The following GRID2IP variants were observed in gnomAD, a reference collection of about 807,000 sequenced individuals.
GRID2IP encodes delphilin.
GRID2IP carries 78 observed loss-of-function variants against 114.3 expected under a neutral mutation model. The observed-to-expected ratio is 0.68, with a 90% CI of 0.57 to 0.82. The LOEUF is 0.82. Ranked by LOEUF, GRID2IP falls within the 40% of genes least tolerant of loss-of-function variation. GRID2IP has a pLI of 0.00. For missense variants in GRID2IP, 1,727 were observed against 1,678.5 expected, an observed-to-expected ratio of 1.03 and a Z score of -0.51; for synonymous variants, 809 against 724.0, an observed-to-expected ratio of 1.12 and a Z score of -1.89.
At chr7:6,549,260 G>A (rs771013984) in intron 1 of GRID2IP, among the ~76,000 whole-genome samples, 2 of 152,178 alleles carry the variant, frequency 1.3e-5, no homozygotes, top group Non-Finnish European at 2.9e-5. Context: ...GCCTGAGACC[G>A]ACTCTATCCT....
intron 1 of GRID2IP, among the ~76,000 whole-genome samples, chr7:6,549,153 C>T (rs751865746): frequency 2.0e-5 from 3 of 152,140 alleles, no homozygotes; most frequent in Admixed American, 6.6e-5. Flanking sequence ...GCAGCTTCTT[C>T]TTTTATAACC....
Position 6,521,276 on chromosome 7 carries a change from G to A in GRID2IP, c.1084+153C>T, listed in dbSNP as rs2115072729. Reference sequence around the variant, plus strand: ...ATGAGCCACCATGCCCAGCCTCACTGGGGTTCTATAGCACCACTTAGGAGG... The same window carrying A: ...ATGAGCCACCATGCCCAGCCTCACTAGGGTTCTATAGCACCACTTAGGAGG... On this transcript the variant is annotated intron_variant, in intron 6 of 21. Transcript: ENST00000457091. The surrounding 1 kb of genome is among the most constrained non-coding windows in gnomAD (Gnocchi z 4.1). Among the ~76,000 whole-genome samples, 1 of 152,198 alleles carries A rather than the reference G, an allele frequency of 6.6e-6. No homozygotes were observed. Among genetic ancestry groups the A allele is most frequent in the African/African-American group, 2.4e-5 (1 of 41,538 alleles).
chr7:6,516,943 A>C lies in GRID2IP; in HGVS notation c.1269-2414T>G, dbSNP rs1779316140. Among the ~76,000 whole-genome samples the C allele has an allele frequency of 6.6e-6, 1 of 151,862 alleles. No homozygotes were observed. The highest frequency in any genetic ancestry group is 6.6e-5 in the Admixed American group (1 of 15,232). The stretch of plus-strand genomic sequence containing the variant: ...TACCCTGCCCCTTTGCCTTGTACAC[A>C]ATAAATAACAGCACGGCCAGGCATT... On this transcript the variant is annotated intron_variant, in intron 7 of 21. Transcript: ENST00000457091. The surrounding 1 kb of genome is among the most constrained non-coding windows in gnomAD (Gnocchi z 4.3).
intron 1 of GRID2IP, among the ~76,000 whole-genome samples, chr7:6,542,040 A>G (rs1036659805): frequency 3.9e-5 from 6 of 152,102 alleles, no homozygotes; most frequent in Non-Finnish European, 7.4e-5. Context: ...GGTGGCTCAC[A>G]CCTGTAATCC....
In GRID2IP at chr7:6,507,406, C is replaced by A. The variant is rs1786627069; in HGVS notation, c.2544+579G>T. Among the ~76,000 whole-genome samples, 4 of 150,488 alleles carry A rather than the reference C, an allele frequency of 2.7e-5. No individual in the cohort carries two copies. In the South Asian group the frequency reaches 8.4e-4, roughly 32 times the overall value. ...AAAAAAAAAAAAGGGGTGGGGTGAA[C>A]CTTGTTCATCTTGCAGATTGGTTGG... On this transcript the variant is annotated intron_variant, in intron 13 of 21. Coordinates refer to ENST00000457091, the MANE Select transcript of GRID2IP (RefSeq NM_001145118.2). The surrounding 1 kb of genome is among the most constrained non-coding windows in gnomAD (Gnocchi z 5.3).
At position 6,497,880 on chromosome 7, in the gene GRID2IP, T is replaced by G. The variant is rs1469752552; in HGVS notation, c.3565-35A>C. On this transcript the variant is annotated intron_variant, in intron 21 of 21. Transcript: ENST00000457091. The stretch of plus-strand genomic sequence containing the variant: ...GGGAACACAGAGGTAGGGTGGTCAG[T>G]GGTCCCAGGAACCTGTGACGCCTTC... The G allele has an allele frequency of 3.3e-6, 5 of 1,528,358 alleles. No individual in the cohort carries two copies. The Admixed American group carries it at 1.0e-4, about 31-fold the overall frequency. The allele number at this position is 1,528,358 out of a possible 1,614,324, so 94.7% of individuals were successfully genotyped here.
chr7:6,526,602 G>A lies in GRID2IP; in HGVS notation c.752C>T (p.Pro251Leu). 2 of 1,193,286 alleles carry A rather than the reference G, an allele frequency of 1.7e-6. No homozygotes were observed. Among genetic ancestry groups the A allele is most frequent in the Non-Finnish European group, 2.1e-6 (2 of 964,206 alleles). The allele number at this position is 1,193,286 out of a possible 1,614,324, so 73.9% of individuals were successfully genotyped here. ...RLLVSTRASA[P>L]PRRPDEPPPR... Reference sequence around the variant, plus strand: ...GGGCGGCTCATCGGGGCGGCGCGGCGGGGCGCTGGCGCGCGTGGACACCAG... The same window carrying A: ...GGGCGGCTCATCGGGGCGGCGCGGCAGGGCGCTGGCGCGCGTGGACACCAG... Residue 251 changes from proline (P) to leucine (L), a missense_variant, in exon 3 of 22, where the codon CCG becomes CTG. Transcript: ENST00000457091. This position sits in a 1 kb window ranked among gnomAD's most constrained non-coding sequence, Gnocchi z 7.6.
Position 6,509,123 on chromosome 7 carries a change from TG to T in GRID2IP, c.1961del (p.Pro654GlnfsTer33). 2 of 1,473,640 alleles carry T rather than the reference TG, an allele frequency of 1.4e-6. No homozygotes were observed. Among genetic ancestry groups the T allele is most frequent in the African/African-American group, 1.4e-5 (1 of 71,010 alleles). The allele number at this position is 1,473,640 out of a possible 1,614,324, so 91.3% of individuals were successfully genotyped here. ...GPGPICPDSP[P>X]SPDPTRPPSR... ...TGGGCGGGCGGGTGGGGTCCGGGCT[TG>T]GGGGGCTGTCGGGGCAGATGGGCCC... On this transcript the variant is annotated frameshift_variant, in exon 12 of 22. Transcript: ENST00000457091. LOFTEE classifies it high-confidence loss of function. This position sits in a 1 kb window ranked among gnomAD's most constrained non-coding sequence, Gnocchi z 4.9.
chr7:6,535,624 G>T (rs1431683017), intron 2 of GRID2IP, among the ~76,000 whole-genome samples: 1 of 152,176 alleles, frequency 6.6e-6, no homozygotes, highest in African/African-American at 2.4e-5. Context: ...CCAGCACTTT[G>T]GGAGGCTGAG....
chr7:6,549,991 T>C (rs1462652712), intron 1 of GRID2IP, among the ~76,000 whole-genome samples: 1 of 151,850 alleles, frequency 6.6e-6, no homozygotes, highest in Non-Finnish European at 1.5e-5. Flanking sequence ...GCTCTTTTTA[T>C]TTTATCTTTT....
chr7:6,545,771 T>C (rs997938637), intron 1 of GRID2IP, among the ~76,000 whole-genome samples: 5 of 152,168 alleles, frequency 3.3e-5, no homozygotes, highest in African/African-American at 1.2e-4. Flanking sequence ...CAGCCTTGCA[T>C]TGCACTTCCT....
At position 6,536,083 on chromosome 7, in the gene GRID2IP, GAT is replaced by G. The variant is rs1779718261; in HGVS notation, c.584+3633_584+3634del. On this transcript the variant is annotated intron_variant, in intron 2 of 21. Transcript: ENST00000457091. The surrounding 1 kb of genome is among the most constrained non-coding windows in gnomAD (Gnocchi z 5.3). Reference sequence around the variant, plus strand: ...CCATGCCCCCTCTGACCTCTCTCCAGATGGGGCTGCCCAGAGATCGCTGCCAC... The same window carrying G: ...CCATGCCCCCTCTGACCTCTCTCCAGGGGGCTGCCCAGAGATCGCTGCCAC... 6.6e-6 allele frequency among the ~76,000 whole-genome samples: 1 copy of G among 152,192 alleles called. No individual in the cohort carries two copies. Among genetic ancestry groups the G allele is most frequent in the Non-Finnish European group, 1.5e-5 (1 of 68,024 alleles).
At chr7:6,540,718 A>G (rs1346946496) in intron 1 of GRID2IP, among the ~76,000 whole-genome samples, 1 of 119,828 alleles carries the variant, frequency 8.3e-6, no homozygotes, top group African/African-American at 3.3e-5. Flanking sequence ...TTTAGTAGAG[A>G]TGGGGTTTTA....
Position 6,510,380 on chromosome 7 carries a change from C to T in GRID2IP, c.1674G>A (p.Glu558=), listed in dbSNP as rs1786739565. The change falls in exon 11 of 22, where the codon GAG becomes GAA. Residue 558 remains glutamate, a synonymous_variant. Coordinates refer to ENST00000457091, the MANE Select transcript of GRID2IP (RefSeq NM_001145118.2). ...NPKMMSAVYA[E]LESRLNSSFK... is the part of the protein sequence containing the mutation. ...AGCTGCTGTTCAGTCGAGACTCAAGCTCTGCATAGACGGCTGACATCTGGA... is the reference window on the plus strand; with the variant it reads ...AGCTGCTGTTCAGTCGAGACTCAAGTTCTGCATAGACGGCTGACATCTGGA... 6.5e-7 allele frequency: 1 copy of T among 1,542,160 alleles called. No individual in the cohort carries two copies. Among genetic ancestry groups the T allele is most frequent in the Non-Finnish European group, 8.8e-7 (1 of 1,142,724 alleles).
intron 14 of GRID2IP, among the ~76,000 whole-genome samples, chr7:6,505,357 C>CT (rs11352946): frequency 0.012 from 1,449 of 119,416 alleles, 14 homozygotes; most frequent in African/African-American, 0.026. Context: ...TAAATGCCAG[C>CT]TTTTTTTTTT....
At position 6,508,732 on chromosome 7, in the gene GRID2IP, T is replaced by C. The variant is rs1202374480; in HGVS notation, c.2127+226A>G. Among the ~76,000 whole-genome samples, 2 of 152,112 alleles carry C rather than the reference T, an allele frequency of 1.3e-5. No individual in the cohort carries two copies. Among genetic ancestry groups the C allele is most frequent in the Non-Finnish European group, 2.9e-5 (2 of 67,992 alleles). ...GCCTGAGCTAAGGAATGGGCTAACC[T>C]GCGACAGGGAATATGGGCTAGCCTC... On this transcript the variant is annotated intron_variant, in intron 12 of 21. Transcript: ENST00000457091. The surrounding 1 kb of genome is among the most constrained non-coding windows in gnomAD (Gnocchi z 5.6).
Position 6,497,721 on chromosome 7 carries a change from C to G in GRID2IP, c.*53G>C. The G allele has an allele frequency of 7.2e-7, 1 of 1,395,856 alleles. No individual in the cohort carries two copies. Among genetic ancestry groups the G allele is most frequent in the East Asian group, 2.5e-5 (1 of 39,692 alleles). The allele number at this position is 1,395,856 out of a possible 1,614,324, so 86.5% of individuals were successfully genotyped here. A position where few individuals can be genotyped will look rare whatever the true frequency, so the allele number is the denominator to read the frequency against. On this transcript the variant is annotated 3_prime_UTR_variant, in exon 22 of 22. Transcript: ENST00000457091. ...GGACCTCGGCAGTGTCTGGGCTGCC[C>G]TCTCGGCCTCCATCTCCCTGCTCAG...
rs2115065567 is a variant in GRID2IP at position 6,516,179 on chromosome 7, G to A, written c.1269-1650C>T. 6.6e-6 allele frequency among the ~76,000 whole-genome samples: 1 copy of A among 151,704 alleles called. No homozygotes were observed. Among genetic ancestry groups the A allele is most frequent in the East Asian group, 1.9e-4 (1 of 5,180 alleles). On this transcript the variant is annotated intron_variant, in intron 7 of 21. Transcript: ENST00000457091. The surrounding 1 kb of genome is among the most constrained non-coding windows in gnomAD (Gnocchi z 4.3). ...TCTTTTGACCTAGAAGCAGGGAAGA[G>A]CTTAAAATTTCAAAAGCCAAAACTG...
rs1002835555 is a variant in GRID2IP at position 6,512,231 on chromosome 7, C to CTTTTTTTTTTTTTTTTTTTTTTTTTTTT, written c.1424-1193_1424-1192insAAAAAAAAAAAAAAAAAAAAAAAAAAAA. Among the ~76,000 whole-genome samples the CTTTTTTTTTTTTTTTTTTTTTTTTTTTT allele has an allele frequency of 2.2e-4, 20 of 90,194 alleles. 2 individuals are homozygous for CTTTTTTTTTTTTTTTTTTTTTTTTTTTT. Among genetic ancestry groups the CTTTTTTTTTTTTTTTTTTTTTTTTTTTT allele is most frequent in the African/African-American group, 3.2e-4 (7 of 21,702 alleles). 59.2% of individuals were successfully genotyped at this position (90,194 alleles called of 152,430 possible). Reference sequence around the variant, plus strand: ...CACACCTGCCTTTTTTTCTTTTCTTCTTTTTTTTTTTTTTTTTTGTGACAG... The same window carrying CTTTTTTTTTTTTTTTTTTTTTTTTTTTT: ...CACACCTGCCTTTTTTTCTTTTCTTCTTTTTTTTTTTTTTTTTTTTTTTTTTTTTTTTTTTTTTTTTTTTTTGTGACAG... On this transcript the variant is annotated intron_variant, in intron 8 of 21. Transcript: ENST00000457091.
Sources: allele counts gnomAD v4.1 joint callset (sites outside exome capture counted in the v4.1 genomes callset), GRCh38; gene constraint gnomAD v4.1.1; non-coding constraint Gnocchi (gnomAD v3.1); transcripts MANE v1.5; gene names NCBI Gene and HGNC (gene_info 2026-07-23, HGNC 2026-07-21).